HIBCH: variants seen among roughly 807,000 people sequenced by gnomAD.
HIBCH encodes 3-hydroxyisobutyryl-CoA hydrolase.
A neutral mutation model predicts 58.2 loss-of-function variants in HIBCH; 50 were observed. The observed-to-expected ratio is 0.86, with a 90% CI of 0.68 to 1.09. HIBCH has a LOEUF of 1.09. Among genes scored for constraint, HIBCH ranks in the 50% least tolerant of loss-of-function variants. The pLI, the probability that HIBCH is intolerant of heterozygous loss-of-function variation, is 0.00. For synonymous variants in HIBCH, 151 were observed against 146.9 expected, an observed-to-expected ratio of 1.03 and a Z score of -0.20; for missense variants, 450 against 449.7, an observed-to-expected ratio of 1.00 and a Z score of -0.01.
chr2:190,302,091 T>C (rs959224034), intron 2 of HIBCH, among the ~76,000 whole-genome samples: 17 of 151,606 alleles, frequency 1.1e-4, no homozygotes, highest in Non-Finnish European at 1.2e-4. Context: ...AAATGAACTG[T>C]CAACTGAAGA....
chr2:190,246,231 C>A lies in HIBCH; in HGVS notation c.751-19G>T, dbSNP rs756709459. ...TCTTAGACTGTTTGAAAAGAAAAAT[C>A]TTTTAATAAATTTGAACACAATTTT... On this transcript the variant is annotated intron_variant, in intron 9 of 13. Transcript: ENST00000359678. The A allele has an allele frequency of 1.3e-5, 19 of 1,476,724 alleles. No individual in the cohort carries two copies. The South Asian group carries it at 2.2e-4, about 17-fold the overall frequency. 91.5% of individuals were successfully genotyped at this position (1,476,724 alleles called of 1,614,324 possible). A position where few individuals can be genotyped will look rare whatever the true frequency, so the allele number is the denominator to read the frequency against.
At chr2:190,314,486 T>C (rs990709177) in intron 1 of HIBCH, among the ~76,000 whole-genome samples, 7 of 151,870 alleles carry the variant, frequency 4.6e-5, no homozygotes, top group Non-Finnish European at 8.8e-5. Flanking sequence ...TTTGGTTGGT[T>C]GGTTGGTTTT....
At chr2:190,262,397 A>T (rs573550938) in intron 6 of HIBCH, among the ~76,000 whole-genome samples, 1 of 152,280 alleles carries the variant, frequency 6.6e-6, no homozygotes, top group South Asian at 2.1e-4. Flanking sequence ...GATCTTTTTG[A>T]GTGAGTCTCT....
At chr2:190,264,949 C>T (rs1687190981) in intron 6 of HIBCH, among the ~76,000 whole-genome samples, 1 of 151,648 alleles carries the variant, frequency 6.6e-6, no homozygotes, top group Non-Finnish European at 1.5e-5. Flanking sequence ...ACGGTGAAAC[C>T]CTGTCTCTAC....
chr2:190,217,609 T>A lies in HIBCH; in HGVS notation c.892-4534A>T, dbSNP rs975557308. ...TAAAAATTATACACTGGGCATATCC[T>A]CTACCCTGTCATCCCTTAGGTTAAA... is the stretch of plus-strand genomic sequence containing the variant. On this transcript the variant is annotated intron_variant, in intron 11 of 13. Coordinates refer to ENST00000359678, the MANE Select transcript of HIBCH (RefSeq NM_014362.4). The surrounding 1 kb of genome is among the most constrained non-coding windows in gnomAD (Gnocchi z 4.6). Among the ~76,000 whole-genome samples, 1 of 152,210 alleles carries A rather than the reference T, an allele frequency of 6.6e-6. No homozygotes were observed. Among genetic ancestry groups the A allele is most frequent in the Non-Finnish European group, 1.5e-5 (1 of 68,048 alleles).
At chr2:190,226,796 G>A (rs61855386) in intron 11 of HIBCH, among the ~76,000 whole-genome samples, 5 of 152,178 alleles carry the variant, frequency 3.3e-5, no homozygotes, top group Middle Eastern at 3.4e-3. Flanking sequence ...CAGACAAACA[G>A]AGGGCCAAAT....
intron 7 of HIBCH, among the ~76,000 whole-genome samples, chr2:190,256,884 AAGATT>A (rs1161124038): frequency 1.3e-5 from 2 of 152,182 alleles, no homozygotes; most frequent in South Asian, 2.1e-4. Flanking sequence ...TGTAGAAGAG[AAGATT>A]AATGAATTTA....
chr2:190,258,020 G>T (rs549421326), intron 7 of HIBCH, among the ~76,000 whole-genome samples: 1 of 152,148 alleles, frequency 6.6e-6, no homozygotes, highest in Non-Finnish European at 1.5e-5. Flanking sequence ...TTGGCTCTGT[G>T]TCCCCATTCA....
intron 1 of HIBCH, among the ~76,000 whole-genome samples, chr2:190,314,413 GTATATA>G (rs566737959): frequency 2.1e-5 from 3 of 146,336 alleles, no homozygotes; most frequent in African/African-American, 7.6e-5. Flanking sequence ...GTATATATGT[GTATATA>G]TATATACACA....
At chr2:190,195,130 G>A (rs1247650687) in intron 1 of HIBCH, among the ~76,000 whole-genome samples, 1 of 152,080 alleles carries the variant, frequency 6.6e-6, no homozygotes, top group Non-Finnish European at 1.5e-5. Flanking sequence ...CCAAAGTGCT[G>A]GGATTGTAGG....
intron 6 of HIBCH, among the ~76,000 whole-genome samples, chr2:190,265,574 T>C (rs1348867805): frequency 6.6e-6 from 1 of 152,160 alleles, no homozygotes; most frequent in African/African-American, 2.4e-5. Flanking sequence ...TTTTCACTGT[T>C]TCAAGGATGT....
At chr2:190,226,186 T>C (rs191679023) in intron 11 of HIBCH, among the ~76,000 whole-genome samples, 5 of 152,308 alleles carry the variant, frequency 3.3e-5, no homozygotes, top group Admixed American at 1.3e-4. Context: ...CATTCCCTTA[T>C]GTAAACTGGC....
intron 11 of HIBCH, among the ~76,000 whole-genome samples, chr2:190,240,834 G>A (rs898633736): frequency 2.0e-5 from 3 of 152,192 alleles, no homozygotes; most frequent in Non-Finnish European, 4.4e-5. Context: ...TTGCACTGCG[G>A]TCTGAGAGAC....
chr2:190,288,608 T>C (rs1687886804), intron 5 of HIBCH, among the ~76,000 whole-genome samples: 2 of 151,888 alleles, frequency 1.3e-5, no homozygotes, highest in Admixed American at 1.3e-4. Flanking sequence ...AGAGTTACAT[T>C]CCATGTTGTT....
In HIBCH at chr2:190,214,439, T is replaced by A. The variant is rs1690585194; in HGVS notation, c.892-1364A>T. ...CCCCCTCTGACATTCTCCCAGATAG[T>A]CCCTTGGGGAGAATGTTGCAGGTTT... is the stretch of plus-strand genomic sequence containing the variant. On this transcript the variant is annotated intron_variant, in intron 11 of 13. Coordinates refer to ENST00000359678, the MANE Select transcript of HIBCH (RefSeq NM_014362.4). The surrounding 1 kb of genome is among the most constrained non-coding windows in gnomAD (Gnocchi z 5.5). 1 of 152,134 alleles carries A rather than the reference T, an allele frequency of 6.6e-6. No individual in the cohort carries two copies. The highest frequency in any genetic ancestry group is 2.4e-5 in the African/African-American group (1 of 41,422). 9.4% of individuals were successfully genotyped at this position (152,134 alleles called of 1,614,324 possible).
intron 13 of HIBCH, among the ~76,000 whole-genome samples, chr2:190,205,982 T>A (rs537326483): frequency 6.6e-6 from 1 of 152,338 alleles, no homozygotes; most frequent in East Asian, 1.9e-4. Context: ...ACCGCATGAA[T>A]CTACAATGAT....
Position 190,236,634 on chromosome 2 carries a change from CTA to C in HIBCH, c.891+8251_891+8252del, listed in dbSNP as rs1172882301. On this transcript the variant is annotated intron_variant, in intron 11 of 13. Coordinates refer to ENST00000359678, the MANE Select transcript of HIBCH (RefSeq NM_014362.4). This position sits in a 1 kb window ranked among gnomAD's most constrained non-coding sequence, Gnocchi z 4.1. Reference sequence around the variant, plus strand: ...TTCACCAATCTGAAATGTCATATTACTATATAAAGACCAAAACAGACCTTCAA... The same window carrying C: ...TTCACCAATCTGAAATGTCATATTACTATAAAGACCAAAACAGACCTTCAA... Among the ~76,000 whole-genome samples the C allele has an allele frequency of 6.6e-6, 1 of 152,138 alleles. No individual in the cohort carries two copies. The highest frequency in any genetic ancestry group is 1.5e-5 in the Non-Finnish European group (1 of 68,010).
chr2:190,260,917 A>T (rs1240434376), intron 7 of HIBCH, among the ~76,000 whole-genome samples: 1 of 152,164 alleles, frequency 6.6e-6, no homozygotes, highest in Non-Finnish European at 1.5e-5. Context: ...TATAGTGTTA[A>T]TGTTTTATTT....
At chr2:190,203,797 T>G (rs1690319062), downstream of HIBCH, 1 of 152,140 alleles carries the variant, frequency 6.6e-6, no homozygotes, top group African/African-American at 2.4e-5. Context: ...TGCCATTTCC[T>G]CATCTATGAG....
Sources: gnomAD v4.1 joint callset for allele counts (sites outside exome capture counted in the v4.1 genomes callset) on GRCh38, gnomAD v4.1.1 for gene constraint, Gnocchi (gnomAD v3.1) non-coding constraint, MANE v1.5 for transcripts, NCBI Gene and HGNC (gene_info 2026-07-23, HGNC 2026-07-21) for gene names.